The following CCDC66 variants were observed in gnomAD, a reference collection of about 807,000 sequenced individuals.
CCDC66 encodes coiled-coil domain containing 66, also known as coiled-coil domain-containing protein 66.
CCDC66 carries 133 observed loss-of-function variants against 128.3 expected under a neutral mutation model. The ratio of observed to expected loss-of-function variants is 1.04; its 90% CI spans 0.90 to 1.20. CCDC66 has a LOEUF of 1.20. Ranked by LOEUF, CCDC66 falls within the 50% of genes most tolerant of loss-of-function variation. CCDC66 has a pLI of 0.00. For synonymous variants in CCDC66, 387 were observed against 357.0 expected (o/e 1.08, Z -0.95); for missense variants, 1,126 against 1,075.5 (o/e 1.05, Z -0.66).
intron 10 of CCDC66, among the ~76,000 whole-genome samples, chr3:56,606,074 G>T (rs2074029320): frequency 6.6e-6 from 1 of 152,066 alleles, no homozygotes; most frequent in South Asian, 2.1e-4. Context: ...TACACTATGA[G>T]GGTAGAACCA....
intron 4 of CCDC66, among the ~76,000 whole-genome samples, chr3:56,566,107 CTTTGT>C (rs150674110): frequency 5.8e-4 from 86 of 148,940 alleles, no homozygotes; most frequent in Middle Eastern, 3.4e-3. Context: ...CTTCAGTTTC[CTTTGT>C]TTTGTTTTGT....
chr3:56,580,002 A>C (rs1399624878), intron 7 of CCDC66, among the ~76,000 whole-genome samples: 2 of 151,830 alleles, frequency 1.3e-5, no homozygotes, highest in Non-Finnish European at 2.9e-5. Context: ...TAATGTTGAC[A>C]GTGGGGTGTT....
At chr3:56,564,282 T>C in intron 4 of CCDC66, 157 bp downstream of exon 4, 1 of 566,982 alleles carries the variant, frequency 1.8e-6, no homozygotes, top group Non-Finnish European at 3.0e-6. Flanking sequence ...TTCTCTAATA[T>C]GCAAAATTAT....
Position 56,617,581 on chromosome 3 carries a change from G to C in CCDC66, c.2313G>C (p.Lys771Asn), listed in dbSNP as rs754954817. ...FHSSHQETESKLRWHLVKKEE... is the reference protein window; with the variant it reads ...FHSSHQETESNLRWHLVKKEE... ...CATCTCATCAAGAAACGGAGTCAAAGTTGAGGTGGCATCTAGTCAAAAAGG... is the reference window on the plus strand; with the variant it reads ...CATCTCATCAAGAAACGGAGTCAAACTTGAGGTGGCATCTAGTCAAAAAGG... The change falls in exon 14 of 18, where the codon AAG (lysine) becomes AAC (asparagine). Residue 771 changes from lysine to asparagine, a missense_variant. Coordinates refer to ENST00000394672, the MANE Select transcript of CCDC66 (RefSeq NM_001141947.3). 1 of 1,604,684 alleles carries C rather than the reference G, an allele frequency of 6.2e-7. No homozygotes were observed.
chr3:56,591,235 G>A (rs1172412655), intron 7 of CCDC66, among the ~76,000 whole-genome samples: 1 of 152,186 alleles, frequency 6.6e-6, no homozygotes, highest in Non-Finnish European at 1.5e-5. Flanking sequence ...AGATCTAATT[G>A]TTCAGTTATC....
chr3:56,609,446 G>A (rs1014507268), intron 10 of CCDC66, among the ~76,000 whole-genome samples: 1 of 152,156 alleles, frequency 6.6e-6, no homozygotes, highest in African/African-American at 2.4e-5. Context: ...TGCATGAAAT[G>A]TGTTTTTCCG....
Position 56,566,643 on chromosome 3 carries a change from G to A in CCDC66, c.594G>A (p.Glu198=). ...LNSISNQPKD[E]NIMGLFKKTE... is the part of the protein sequence containing the mutation. ...GTATTTCTAATCAGCCAAAGGATGA[G>A]AACATTATGGGATTATTCAAAAAAA... Residue 198 remains glutamate (E), a synonymous_variant, in exon 5 of 18, where the codon GAG becomes GAA. Transcript: ENST00000394672. The A allele has an allele frequency of 2.5e-6, 4 of 1,600,998 alleles. No homozygotes were observed. The highest frequency in any genetic ancestry group is 3.4e-6 in the Non-Finnish European group (4 of 1,168,328).
In CCDC66 at chr3:56,593,696, C is replaced by T; in HGVS notation, c.1274C>T (p.Ala425Val). The change falls in exon 9 of 18, where the codon GCA (alanine) becomes GTA (valine). Residue 425 changes from alanine (A) to valine (V), a missense_variant. By Grantham distance (64) the Ala-to-Val change is moderately conservative (BLOSUM62 0). Transcript: ENST00000394672. ...QVEPSEEEHI[A>V]KPIKDVVMAN... ...GAACCTTCAGAGGAGGAGCATATAG[C>T]AAAACCTATTAAGGATGTGGTTATG... is the stretch of plus-strand genomic sequence containing the variant. 2 of 1,614,142 alleles carry T rather than the reference C, an allele frequency of 1.2e-6. No individual in the cohort carries two copies. The highest frequency in any genetic ancestry group is 1.7e-6 in the Non-Finnish European group (2 of 1,179,994).
intron 13 of CCDC66, 100 bp from the exon 14 acceptor site, chr3:56,617,012 A>G: frequency 1.1e-6 from 1 of 947,148 alleles, no homozygotes; most frequent in South Asian, 2.1e-5. Flanking sequence ...GAAAGAAAAA[A>G]GTCTTAGAGG....
Position 56,557,210 on chromosome 3 carries a change from G to T in CCDC66, c.-33G>T, listed in dbSNP as rs557798354. ...GGCAACCGACGTACACAAGGGGCTTGAGCGTTCTGTGGAGAGAGTGCGAGG... is the reference window on the plus strand; with the variant it reads ...GGCAACCGACGTACACAAGGGGCTTTAGCGTTCTGTGGAGAGAGTGCGAGG... On this transcript the variant is annotated 5_prime_UTR_variant, in exon 1 of 18. Transcript: ENST00000394672. 1.9e-6 allele frequency: 3 copies of T among 1,551,238 alleles called. No individual in the cohort carries two copies. The highest frequency in any genetic ancestry group is 4.9e-5 in the East Asian group (2 of 40,864).
Position 56,618,153 on chromosome 3 carries a change from TTATC to T in CCDC66, c.2338-14_2338-11del, listed in dbSNP as rs776968971. On this transcript the variant is annotated splice_polypyrimidine_tract_variant and intron_variant, in intron 14 of 17. Coordinates refer to ENST00000394672, the MANE Select transcript of CCDC66 (RefSeq NM_001141947.3). ...AGATGCTATATATTCCTTTCTGCAT[TTATC>T]TATCCATATTTTAGGAAGAAGAGCC... 8 of 1,596,054 alleles carry T rather than the reference TTATC, an allele frequency of 5.0e-6. No individual in the cohort carries two copies. In the Admixed American group the frequency reaches 5.0e-5, roughly 10 times the overall value.
chr3:56,615,450 C>A, intron 12 of CCDC66, 178 bp downstream of exon 12: 1 of 613,030 alleles, frequency 1.6e-6, no homozygotes, highest in South Asian at 2.9e-5. Context: ...CGCTTTGTTG[C>A]CCAGGCTGGT....
At chr3:56,610,691 T>G (rs185492740) in intron 10 of CCDC66, among the ~76,000 whole-genome samples, 8 of 152,326 alleles carry the variant, frequency 5.3e-5, no homozygotes, top group African/African-American at 1.4e-4. Flanking sequence ...CCTTCTTATT[T>G]GGGTAGGCTC....
intron 3 of CCDC66, among the ~76,000 whole-genome samples, chr3:56,560,360 C>T (rs55960262): frequency 0.06 from 9,113 of 152,238 alleles, 521 homozygotes; most frequent in East Asian, 0.31. Flanking sequence ...CATGAGCCAC[C>T]ATGCCCAGCT....
chr3:56,617,394 CT>C lies in CCDC66; in HGVS notation c.2127del (p.Arg711GlyfsTer22), dbSNP rs766658618. Reference protein sequence around the residue: ...KRPDWNINKPPKRYIPASEKY... With the variant: ...KRPDWNINKPXKRYIPASEKY... ...CCTGATTGGAATATAAATAAGCCAC[CT>C]AAAAGGTATATTCCAGCATCAGAAA... On this transcript the variant is annotated frameshift_variant, in exon 14 of 18. Transcript: ENST00000394672. LOFTEE classifies it high-confidence loss of function. 6.2e-7 allele frequency: 1 copy of C among 1,613,758 alleles called. No homozygotes were observed. Among genetic ancestry groups the C allele is most frequent in the Non-Finnish European group, 8.5e-7 (1 of 1,179,908 alleles).
In CCDC66 at chr3:56,617,421, A is replaced by G; in HGVS notation, c.2153A>G (p.Lys718Arg). The change falls in exon 14 of 18, where the codon AAG becomes AGG. Residue 718 changes from lysine (K) to arginine (R), a missense_variant. Physicochemically the swap from Lys to Arg is conservative, Grantham distance 26 (BLOSUM62 2). Coordinates refer to ENST00000394672, the MANE Select transcript of CCDC66 (RefSeq NM_001141947.3). Reference protein sequence around the residue: ...PPKRYIPASEKYPKQLQKQRE... With the variant: ...PPKRYIPASERYPKQLQKQRE... The stretch of plus-strand genomic sequence containing the variant: ...AAAAGGTATATTCCAGCATCAGAAA[A>G]GTACCCTAAACAGCTTCAAAAGCAG... The G allele has an allele frequency of 6.2e-7, 1 of 1,614,106 alleles. No individual in the cohort carries two copies. Among genetic ancestry groups the G allele is most frequent in the Non-Finnish European group, 8.5e-7 (1 of 1,179,998 alleles).
intron 7 of CCDC66, among the ~76,000 whole-genome samples, chr3:56,580,145 T>G (rs2068081550): frequency 6.6e-6 from 1 of 151,910 alleles, no homozygotes; most frequent in Admixed American, 6.6e-5. Context: ...GTTGAATTGA[T>G]CCCTTTACCA....
Position 56,617,342 on chromosome 3 carries a change from AAACAC to A in CCDC66, c.2076_2080del (p.Lys692AsnfsTer6). The A allele has an allele frequency of 6.2e-7, 1 of 1,612,940 alleles. No individual in the cohort carries two copies. The highest frequency in any genetic ancestry group is 8.5e-7 in the Non-Finnish European group (1 of 1,179,738). On this transcript the variant is annotated frameshift_variant, in exon 14 of 18. Coordinates refer to ENST00000394672, the MANE Select transcript of CCDC66 (RefSeq NM_001141947.3). LOFTEE classifies it high-confidence loss of function. ...GTTCACAAGAATAGAGAAACAAACA[AAACAC>A]ATGAAGAAATATCCTAAAAGGCCTG...
In CCDC66 at chr3:56,601,687, A is replaced by G. The variant is rs923334490; in HGVS notation, c.1404+7659A>G. 2.0e-5 allele frequency among the ~76,000 whole-genome samples: 3 copies of G among 151,964 alleles called. 1 individual carries two copies. Among genetic ancestry groups the G allele is most frequent in the African/African-American group, 7.3e-5 (3 of 41,270 alleles). ...GTAGTTCTCCTTAAAGAGGTCCTTC[A>G]CGTCCCTTGTAAGTTGTATTCCTAG... On this transcript the variant is annotated intron_variant, in intron 10 of 17. Transcript: ENST00000394672.
Sources: gnomAD v4.1 joint callset for allele counts (sites outside exome capture counted in the v4.1 genomes callset) on GRCh38, gnomAD v4.1.1 for gene constraint, MANE v1.5 for transcripts, NCBI Gene and HGNC (gene_info 2026-07-23, HGNC 2026-07-21) for gene names.